Variants in PDGFD observed in about 807,000 individuals in gnomAD.
PDGFD encodes platelet derived growth factor D.
In PDGFD, 30 loss-of-function variants were observed where a neutral mutation model predicts 44.7. The observed-to-expected ratio is 0.67, with a 90% CI of 0.50 to 0.91. The LOEUF (loss-of-function observed/expected upper bound fraction) is 0.91. Among genes scored for constraint, PDGFD ranks in the 40% least tolerant of loss-of-function variants. The pLI is 0.00. For missense variants in PDGFD, 445 were observed against 457.8 expected, an observed-to-expected ratio of 0.97 and a Z score of 0.25; for synonymous variants, 173 against 168.4, an observed-to-expected ratio of 1.03 and a Z score of -0.21.
chr11:103,919,762 G>A (rs1450106883), intron 6 of PDGFD, among the ~76,000 whole-genome samples: 1 of 151,790 alleles, frequency 6.6e-6, no homozygotes, highest in African/African-American at 2.4e-5. Context: ...GCCTGCCTCA[G>A]CCTCCCAAAA....
At chr11:104,138,154 C>T (rs543439537) in intron 1 of PDGFD, among the ~76,000 whole-genome samples, 1 of 152,184 alleles carries the variant, frequency 6.6e-6, no homozygotes, top group South Asian at 2.1e-4. Context: ...AGCTAATGTG[C>T]TGTAATAATT....
intron 5 of PDGFD, among the ~76,000 whole-genome samples, chr11:103,928,729 T>C (rs1858356491): frequency 6.6e-6 from 1 of 152,224 alleles, no homozygotes; most frequent in Non-Finnish European, 1.5e-5. Flanking sequence ...AGACATGTCA[T>C]AACTTTAGCT....
chr11:104,105,689 A>G (rs989625892), intron 1 of PDGFD, among the ~76,000 whole-genome samples: 3 of 152,170 alleles, frequency 2.0e-5, no homozygotes, highest in Non-Finnish European at 2.9e-5. Context: ...TGTGAAAGCC[A>G]TAATTTCCAA....
intron 4 of PDGFD, among the ~76,000 whole-genome samples, chr11:103,944,291 TC>T (rs1035426719): frequency 6.6e-6 from 1 of 152,106 alleles, no homozygotes; most frequent in African/African-American, 2.4e-5. Context: ...TTGCTAGTGA[TC>T]CCAGTTGCCA....
At chr11:104,156,180 T>C (rs1862305051) in intron 1 of PDGFD, among the ~76,000 whole-genome samples, 1 of 152,106 alleles carries the variant, frequency 6.6e-6, no homozygotes, top group Admixed American at 6.6e-5. Context: ...TATTTGTCAA[T>C]TAAAAATAAA....
At chr11:104,075,842 T>C (rs1364120211) in intron 1 of PDGFD, among the ~76,000 whole-genome samples, 2 of 152,168 alleles carry the variant, frequency 1.3e-5, no homozygotes, top group Non-Finnish European at 2.9e-5. Context: ...TGTCTTTATA[T>C]AAGTAGCGCT....
intron 1 of PDGFD, among the ~76,000 whole-genome samples, chr11:104,074,583 AG>A (rs950816694): frequency 6.6e-6 from 1 of 152,232 alleles, no homozygotes; most frequent in Non-Finnish European, 1.5e-5. Context: ...GTACTGGCTC[AG>A]GCACACACAA....
intron 1 of PDGFD, among the ~76,000 whole-genome samples, chr11:104,117,360 T>C (rs904269127): frequency 2.0e-5 from 3 of 151,932 alleles, no homozygotes; most frequent in Non-Finnish European, 2.9e-5. Context: ...CTCTTCAACA[T>C]AGTACTGGAA....
intron 1 of PDGFD, among the ~76,000 whole-genome samples, chr11:104,163,213 G>A (rs955376751): frequency 3.9e-5 from 6 of 152,232 alleles, no homozygotes; most frequent in African/African-American, 1.4e-4. Context: ...CTGAGTCAGG[G>A]TGAACTTCAA....
At chr11:103,937,354 G>C (rs898424002) in intron 5 of PDGFD, among the ~76,000 whole-genome samples, 3 of 151,996 alleles carry the variant, frequency 2.0e-5, no homozygotes, top group African/African-American at 7.2e-5. Flanking sequence ...ATTCTAGAAA[G>C]TCAAGTTCTC....
intron 1 of PDGFD, among the ~76,000 whole-genome samples, chr11:104,101,004 G>A (rs1861369262): frequency 6.6e-6 from 1 of 152,086 alleles, no homozygotes; most frequent in South Asian, 2.1e-4. Flanking sequence ...CATACTGAAT[G>A]GGCAAAAACT....
At chr11:104,021,773 G>T (rs146334952) in intron 1 of PDGFD, among the ~76,000 whole-genome samples, 317 of 152,266 alleles carry the variant, frequency 2.1e-3, no homozygotes, top group African/African-American at 7.4e-3. Context: ...TTATTATGCT[G>T]ATAGCTAACC....
At chr11:104,013,386 C>T (rs376551758) in intron 1 of PDGFD, among the ~76,000 whole-genome samples, 30 of 152,210 alleles carry the variant, frequency 2.0e-4, no homozygotes, top group African/African-American at 5.5e-4. Context: ...CTTAGCCATC[C>T]GTGGATGGCA....
chr11:103,910,347 G>C (rs1306554128), intron 6 of PDGFD, among the ~76,000 whole-genome samples: 1 of 152,238 alleles, frequency 6.6e-6, no homozygotes, highest in Non-Finnish European at 1.5e-5. Context: ...GCAGTTCCCA[G>C]CGAGATCAAT....
At chr11:104,018,883 T>G (rs1292624949) in intron 1 of PDGFD, among the ~76,000 whole-genome samples, 1 of 152,242 alleles carries the variant, frequency 6.6e-6, no homozygotes, top group East Asian at 1.9e-4. Flanking sequence ...ACTGGACTTT[T>G]TAGTTCTTTA....
chr11:103,956,585 G>C (rs1858854428), intron 3 of PDGFD, among the ~76,000 whole-genome samples: 1 of 151,678 alleles, frequency 6.6e-6, no homozygotes, highest in Non-Finnish European at 1.5e-5. Flanking sequence ...CCAGTAATGG[G>C]ATGGCTGGGT....
intron 1 of PDGFD, among the ~76,000 whole-genome samples, chr11:104,057,818 T>C (rs775264781): frequency 6.6e-6 from 1 of 152,182 alleles, no homozygotes; most frequent in Admixed American, 6.5e-5. Flanking sequence ...ATCATAAAGA[T>C]AGCCATATAC....
At chr11:104,023,967 C>T (rs1366813728) in intron 1 of PDGFD, among the ~76,000 whole-genome samples, 1 of 152,140 alleles carries the variant, frequency 6.6e-6, no homozygotes, top group African/African-American at 2.4e-5. Flanking sequence ...AACATACTGA[C>T]TTGCATTAAT....
chr11:104,017,657 T>C (rs936539419), intron 1 of PDGFD, among the ~76,000 whole-genome samples: 1 of 152,232 alleles, frequency 6.6e-6, no homozygotes, highest in African/African-American at 2.4e-5. Flanking sequence ...GATCTTTTCC[T>C]CTACCTGTGG....
Sources: gnomAD v4.1 joint callset for allele counts (sites outside exome capture counted in the v4.1 genomes callset) on GRCh38, gnomAD v4.1.1 for gene constraint, MANE v1.5 for transcripts, NCBI Gene and HGNC (gene_info 2026-07-23, HGNC 2026-07-21) for gene names.